The following DNAH8 variants were observed in gnomAD, a reference collection of about 807,000 sequenced individuals.
The protein encoded by DNAH8 is axonemal beta dynein heavy chain 8.
A neutral mutation model predicts 562.1 loss-of-function variants in DNAH8; 382 were observed. The observed-to-expected ratio is 0.68, with a 90% CI of 0.63 to 0.74. The LOEUF is 0.74. Among genes scored for constraint, DNAH8 ranks in the 30% least tolerant of loss-of-function variants. The pLI is 0.00. For synonymous variants in DNAH8, 1,881 were observed against 1,919.4 expected, an observed-to-expected ratio of 0.98 and a Z score of 0.52; for missense variants, 5,203 against 5,620.4, an observed-to-expected ratio of 0.93 and a Z score of 2.37.
At chr6:38,989,234 C>G (rs1259909107) in intron 87 of DNAH8, among the ~76,000 whole-genome samples, 1 of 152,252 alleles carries the variant, frequency 6.6e-6, no homozygotes, top group Middle Eastern at 3.2e-3. Context: ...CATTTCCACT[C>G]TTCCTGTCTT....
At chr6:38,914,645 C>T (rs921490953) in intron 67 of DNAH8, among the ~76,000 whole-genome samples, 2 of 151,886 alleles carry the variant, frequency 1.3e-5, no homozygotes, top group African/African-American at 2.4e-5. Context: ...CCATGGTGCC[C>T]GGCCTATGTG....
At chr6:38,890,585 A>G (rs963827331) in intron 57 of DNAH8, 67 bp from the exon 58 acceptor site, 1 of 1,144,262 alleles carries the variant, frequency 8.7e-7, no homozygotes, top group Non-Finnish European at 1.3e-6. Flanking sequence ...TGATTTGTTT[A>G]CTGGGATAAA....
intron 21 of DNAH8, among the ~76,000 whole-genome samples, 162 bp downstream of exon 21, chr6:38,791,836 T>TA (rs1769779421): frequency 6.6e-6 from 1 of 152,066 alleles, no homozygotes. Context: ...ATGCCTTCAA[T>TA]AGCAAGAGCC....
chr6:39,009,445 T>C (rs1766032070), intron 89 of DNAH8, among the ~76,000 whole-genome samples: 1 of 152,186 alleles, frequency 6.6e-6, no homozygotes, highest in South Asian at 2.1e-4. Context: ...CTTCTGAAAC[T>C]CATTGAATAG....
chr6:38,786,965 A>G lies in DNAH8; in HGVS notation c.2583+13A>G. ...ACTGTATTTGCAGGTAAGATAGATT[A>G]TGTTTTCTAATTATTTTTGAAGGAG... On this transcript the variant is annotated intron_variant, in intron 18 of 92. Coordinates refer to ENST00000327475, the MANE Select transcript of DNAH8 (RefSeq NM_001206927.2). 1 of 1,551,484 alleles carries G rather than the reference A, an allele frequency of 6.4e-7. No homozygotes were observed. The highest frequency in any genetic ancestry group is 8.7e-7 in the Non-Finnish European group (1 of 1,149,822).
chr6:38,805,484 A>T lies in DNAH8; in HGVS notation c.3038A>T (p.Gln1013Leu). The T allele has an allele frequency of 1.3e-6, 2 of 1,594,682 alleles. No homozygotes were observed. Among genetic ancestry groups the T allele is most frequent in the Non-Finnish European group, 1.7e-6 (2 of 1,162,666 alleles). Residue 1013 changes from glutamine to leucine, a missense_variant, in exon 23 of 93, where the codon CAG (glutamine) becomes CTG (leucine). By Grantham distance (113) the Gln-to-Leu change is moderately radical. This residue lies in a region of DNAH8 where 2,176 missense variants were observed against 2,365.1 expected (regional missense o/e 0.92). Coordinates refer to ENST00000327475, the MANE Select transcript of DNAH8 (RefSeq NM_001206927.2). ...YTGKVGKQSE[Q>L]RKHVVFGSET... ...TTGTTTTGTCTTTTGTCTATAGAAC[A>T]GCGGAAACACGTTGTTTTTGGAAGT...
intron 64 of DNAH8, 73 bp downstream of exon 64, chr6:38,908,193 G>A (rs746220649): frequency 6.1e-6 from 5 of 816,512 alleles, no homozygotes; most frequent in Non-Finnish European, 8.8e-6. Context: ...TGCCTTCTCT[G>A]ATTAGAAAAT....
intron 82 of DNAH8, among the ~76,000 whole-genome samples, chr6:38,960,974 C>T (rs1293028095): frequency 6.6e-6 from 1 of 152,020 alleles, no homozygotes; most frequent in African/African-American, 2.4e-5. Context: ...ACATGCGGTA[C>T]ATATACACAA....
Position 38,756,027 on chromosome 6 carries a change from G to A in DNAH8, c.1463G>A (p.Gly488Asp). Residue 488 changes from glycine to aspartate, a missense_variant, in exon 10 of 93, where the codon GGT (glycine) becomes GAT (aspartate). Coordinates refer to ENST00000327475, the MANE Select transcript of DNAH8 (RefSeq NM_001206927.2). ...NLINAIRMIH[G>D]VSRYYNTSER... ...ATTAATGCCATCAGAATGATTCACG[G>A]TGTGTCAAGGTATTATAATACCTCA... 1 of 1,611,000 alleles carries A rather than the reference G, an allele frequency of 6.2e-7. No individual in the cohort carries two copies. Among genetic ancestry groups the A allele is most frequent in the Non-Finnish European group, 8.5e-7 (1 of 1,177,620 alleles).
chr6:38,786,685 G>A, intron 17 of DNAH8, 80 bp from the exon 18 acceptor site: 1 of 1,438,348 alleles, frequency 7.0e-7, no homozygotes, highest in South Asian at 1.3e-5. Flanking sequence ...GTAATCCAGG[G>A]GGCAAGACAG....
At chr6:39,021,055 A>G (rs2150789353) in intron 91 of DNAH8, among the ~76,000 whole-genome samples, 1 of 152,260 alleles carries the variant, frequency 6.6e-6, no homozygotes, top group Admixed American at 6.5e-5. Flanking sequence ...TGCTGGGTCA[A>G]ATGGTATTTC....
At chr6:38,869,705 C>T (rs1287523824) in intron 48 of DNAH8, among the ~76,000 whole-genome samples, 2 of 152,086 alleles carry the variant, frequency 1.3e-5, no homozygotes, top group Non-Finnish European at 2.9e-5. Context: ...AATAAAATAT[C>T]CGTTCTTTAA....
rs1777570576 is a variant in DNAH8, at chr6:38,872,788, C to T, written c.7237+6C>T. 6.2e-7 allele frequency: 1 copy of T among 1,613,774 alleles called. No homozygotes were observed. Among genetic ancestry groups the T allele is most frequent in the Non-Finnish European group, 8.5e-7 (1 of 1,179,904 alleles). Reference sequence around the variant, plus strand: ...AACATTAAAAGCTAAAAAAGGTATACACAAACCTCCTTTGTGATCATTTTT... The same window carrying T: ...AACATTAAAAGCTAAAAAAGGTATATACAAACCTCCTTTGTGATCATTTTT... On this transcript the variant is annotated splice_donor_region_variant and intron_variant, in intron 50 of 92. Transcript: ENST00000327475.
chr6:38,971,759 G>C (rs1460328413), intron 83 of DNAH8, 94 bp downstream of exon 83: 21 of 958,136 alleles, frequency 2.2e-5, no homozygotes, highest in Non-Finnish European at 3.1e-5. Flanking sequence ...GCTCAATCCT[G>C]GTTTTTCCAT....
At chr6:38,933,319 C>T (rs1782700302) in intron 76 of DNAH8, among the ~76,000 whole-genome samples, 1 of 152,112 alleles carries the variant, frequency 6.6e-6, no homozygotes, top group Non-Finnish European at 1.5e-5. Flanking sequence ...TCATAGCAAC[C>T]TTGCTGGAGA....
At chr6:38,747,640 T>C (rs1489220856) in intron 8 of DNAH8, among the ~76,000 whole-genome samples, 1 of 152,168 alleles carries the variant, frequency 6.6e-6, no homozygotes, top group Non-Finnish European at 1.5e-5. Context: ...CCGCCTTGGC[T>C]GCCCAAAGTG....
chr6:38,942,753 C>T (rs1239216693), intron 79 of DNAH8, among the ~76,000 whole-genome samples: 1 of 152,226 alleles, frequency 6.6e-6, no homozygotes, highest in African/African-American at 2.4e-5. Context: ...TAGCCTGCAC[C>T]TGAGGTGTGG....
At chr6:38,850,229 C>T (rs748169426) in intron 37 of DNAH8, 22 bp from the exon 38 acceptor site, 2 of 1,604,164 alleles carry the variant, frequency 1.2e-6, no homozygotes, top group South Asian at 2.2e-5. Flanking sequence ...CTAATCTTTA[C>T]TGGCTATGGA....
chr6:38,908,410 C>T (rs1221195250), intron 64 of DNAH8, among the ~76,000 whole-genome samples: 1 of 152,136 alleles, frequency 6.6e-6, no homozygotes, highest in Non-Finnish European at 1.5e-5. Context: ...CGTCCAGCTC[C>T]ACCTCCCATG....
Sources: allele counts gnomAD v4.1 joint callset (sites outside exome capture counted in the v4.1 genomes callset), GRCh38; gene constraint gnomAD v4.1.1; regional missense constraint gnomAD v4.1.1; transcripts MANE v1.5; gene names NCBI Gene and HGNC (gene_info 2026-07-23, HGNC 2026-07-21).